Variants in GRIP1 observed in about 807,000 individuals in gnomAD.
GRIP1 encodes glutamate receptor interacting protein 1, also known as glutamate receptor-interacting protein 1.
Under a neutral mutation model 129.9 loss-of-function variants are expected in GRIP1, and 45 were observed. The ratio of observed to expected loss-of-function variants is 0.35; its 90% CI spans 0.27 to 0.44. The LOEUF is 0.44. GRIP1 is among the 20% of genes least tolerant of loss of function. The pLI is 1.00. For synonymous variants in GRIP1, 530 were observed against 520.8 expected (o/e 1.02, Z -0.24); for missense variants, 1,196 against 1,396.8 (o/e 0.86, Z 2.29).
chr12:66,776,315 A>G (rs2037977733), intron 1 of GRIP1, among the ~76,000 whole-genome samples: 1 of 152,202 alleles, frequency 6.6e-6, no homozygotes, highest in Non-Finnish European at 1.5e-5. Flanking sequence ...TTAGGGATTA[A>G]AAATAAGAGA....
chr12:66,919,553 T>G (rs2041180517), intron 1 of GRIP1, among the ~76,000 whole-genome samples: 1 of 152,180 alleles, frequency 6.6e-6, no homozygotes, highest in Non-Finnish European at 1.5e-5. Flanking sequence ...TACATCATTC[T>G]CCCTTATTTT....
At chr12:66,556,271 T>C (rs894295596) in intron 2 of GRIP1, among the ~76,000 whole-genome samples, 8 of 152,046 alleles carry the variant, frequency 5.3e-5, no homozygotes, top group Non-Finnish European at 1.0e-4. Flanking sequence ...AGCGTGGCAT[T>C]ACATATTTAA....
chr12:66,868,233 CAG>C (rs2040237970), intron 1 of GRIP1, among the ~76,000 whole-genome samples: 1 of 151,972 alleles, frequency 6.6e-6, no homozygotes, highest in Admixed American at 6.6e-5. Context: ...CCAGATAAAA[CAG>C]AGAGTGACAG....
At chr12:66,389,804 C>CGAGA (rs2056509512) in intron 19 of GRIP1, among the ~76,000 whole-genome samples, 4 of 152,128 alleles carry the variant, frequency 2.6e-5, no homozygotes, top group Non-Finnish European at 5.9e-5. Flanking sequence ...CTGAATGTTA[C>CGAGA]ACTTTAACGG....
intron 1 of GRIP1, among the ~76,000 whole-genome samples, chr12:66,868,951 A>T (rs2040249456): frequency 6.6e-6 from 1 of 152,136 alleles, no homozygotes; most frequent in Admixed American, 6.6e-5. Context: ...TAATTCTAAC[A>T]CAGAATATGG....
intron 1 of GRIP1, among the ~76,000 whole-genome samples, chr12:66,862,706 C>T (rs1409131926): frequency 1.3e-5 from 2 of 151,864 alleles, no homozygotes; most frequent in African/African-American, 4.8e-5. Flanking sequence ...TGTCAAAGTC[C>T]CTCCCCAACA....
chr12:66,939,771 T>C (rs1269784044), intron 1 of GRIP1, among the ~76,000 whole-genome samples: 1 of 152,210 alleles, frequency 6.6e-6, no homozygotes, highest in Non-Finnish European at 1.5e-5. Flanking sequence ...TTCACAAATG[T>C]ATTCCACTAC....
intron 1 of GRIP1, among the ~76,000 whole-genome samples, chr12:66,929,594 G>A (rs1047960624): frequency 6.6e-5 from 10 of 152,032 alleles, no homozygotes; most frequent in African/African-American, 1.2e-4. Flanking sequence ...ATATCTCTCC[G>A]TCCTGATCCA....
At chr12:66,904,335 G>A (rs1489459547) in intron 1 of GRIP1, among the ~76,000 whole-genome samples, 1 of 152,178 alleles carries the variant, frequency 6.6e-6, no homozygotes, top group African/African-American at 2.4e-5. Flanking sequence ...GCCAAGAACT[G>A]CATGGAAAAG....
chr12:66,438,292 G>T (rs1193896834), intron 13 of GRIP1, among the ~76,000 whole-genome samples: 1 of 152,054 alleles, frequency 6.6e-6, no homozygotes, highest in Non-Finnish European at 1.5e-5. Flanking sequence ...GCAAAGATGG[G>T]ACAATTACAT....
intron 1 of GRIP1, among the ~76,000 whole-genome samples, chr12:66,968,445 C>T (rs558575880): frequency 6.6e-6 from 1 of 152,042 alleles, no homozygotes; most frequent in Non-Finnish European, 1.5e-5. Context: ...ATTCTCCCCT[C>T]TTGTTCTTCT....
intron 3 of GRIP1, 32 bp downstream of exon 3, chr12:66,541,783 C>G (rs1478063922): frequency 1.1e-5 from 17 of 1,608,060 alleles, no homozygotes; most frequent in Non-Finnish European, 1.4e-5. Flanking sequence ...ACCCTGTGTT[C>G]CTTTCAGTAG....
At chr12:67,066,179 A>C (rs991799348) in intron 1 of GRIP1, among the ~76,000 whole-genome samples, 29 of 152,190 alleles carry the variant, frequency 1.9e-4, no homozygotes, top group Admixed American at 2.6e-4. Context: ...CAGGCCTTCG[A>C]GATGAACCCG....
intron 1 of GRIP1, among the ~76,000 whole-genome samples, chr12:67,054,811 C>T (rs563644890): frequency 3.4e-5 from 5 of 149,000 alleles, no homozygotes; most frequent in Admixed American, 3.3e-4. Context: ...ATGTAGAAAT[C>T]AGGGGCATGA....
chr12:66,539,158 C>A lies in GRIP1; in HGVS notation c.338G>T (p.Arg113Leu). Residue 113 changes from arginine (R) to leucine (L), a missense_variant, in exon 4 of 25, where the codon CGC becomes CTC. Arg to Leu is a moderately radical substitution (Grantham distance 102). Coordinates refer to ENST00000359742, the MANE Select transcript of GRIP1 (RefSeq NM_001366722.1). ...CAGCAAGCTGATGATCTCGTCATGG[C>A]GGAATTTGGCCAGGTTGATTCCATT... ...AVNGINLAKF[R>L]HDEIISLLKN... 1 of 1,614,022 alleles carries A rather than the reference C, an allele frequency of 6.2e-7. No individual in the cohort carries two copies. Among genetic ancestry groups the A allele is most frequent in the Non-Finnish European group, 8.5e-7 (1 of 1,179,968 alleles).
chr12:66,799,955 A>G lies in GRIP1; in HGVS notation c.-420+4098T>C, dbSNP rs566512996. ...TCAATGACATGAAAGAAAGTGAAGC[A>G]CCCTTTTAAAATACGATTTGAATAT... On this transcript the variant is annotated intron_variant, in intron 1 of 4. Transcript: ENST00000538373. Among the ~76,000 whole-genome samples, 8 of 152,266 alleles carry G rather than the reference A, an allele frequency of 5.3e-5. No individual in the cohort carries two copies. The South Asian group carries it at 1.7e-3, about 32-fold the overall frequency.
intron 1 of GRIP1, among the ~76,000 whole-genome samples, chr12:66,773,527 G>T (rs1167378683): frequency 3.3e-5 from 5 of 152,064 alleles, no homozygotes; most frequent in Non-Finnish European, 5.9e-5. Context: ...CGGACATAGG[G>T]AGGGGATCAT....
intron 2 of GRIP1, among the ~76,000 whole-genome samples, chr12:66,582,408 C>G (rs1305833534): frequency 6.8e-6 from 1 of 147,370 alleles, no homozygotes; most frequent in South Asian, 2.2e-4. Flanking sequence ...CTGGCCAGGG[C>G]AATTAGGCAG....
At chr12:66,443,782 G>T (rs1185645839) in intron 13 of GRIP1, among the ~76,000 whole-genome samples, 2 of 152,056 alleles carry the variant, frequency 1.3e-5, no homozygotes, top group Non-Finnish European at 2.9e-5. Context: ...ACCCCCTACT[G>T]CAGTAGTTTC....
Sources: allele counts gnomAD v4.1 joint callset (sites outside exome capture counted in the v4.1 genomes callset), GRCh38; gene constraint gnomAD v4.1.1; transcripts MANE v1.5; gene names NCBI Gene and HGNC (gene_info 2026-07-23, HGNC 2026-07-21).